The following CCDC30 variants were observed in gnomAD, a reference collection of about 807,000 sequenced individuals.
CCDC30 encodes the protein coiled-coil domain containing 30.
Under a neutral mutation model 100.2 loss-of-function variants are expected in CCDC30, and 70 were observed. The ratio of observed to expected loss-of-function variants is 0.70; its 90% CI spans 0.58 to 0.85. CCDC30 has a LOEUF of 0.85. CCDC30 is among the 40% of genes least tolerant of loss of function. CCDC30 has a pLI of 0.00. For missense variants in CCDC30, 652 were observed against 771.2 expected (o/e 0.85, Z 1.83); for synonymous variants, 233 against 269.5 (o/e 0.86, Z 1.33).
At chr1:42,568,155 C>T (rs1460640370) in intron 7 of CCDC30, among the ~76,000 whole-genome samples, 1 of 152,164 alleles carries the variant, frequency 6.6e-6, no homozygotes, top group Non-Finnish European at 1.5e-5. Flanking sequence ...CGCTCTGTCA[C>T]CCATGCTGAA....
intron 10 of CCDC30, among the ~76,000 whole-genome samples, chr1:42,597,877 G>A (rs573726446): frequency 6.6e-5 from 10 of 150,972 alleles, no homozygotes; most frequent in Admixed American, 3.3e-4. Flanking sequence ...AAAAAAAATC[G>A]CCAGGCACAG....
chr1:42,583,945 C>T (rs531538771), intron 9 of CCDC30, among the ~76,000 whole-genome samples: 1 of 152,300 alleles, frequency 6.6e-6, no homozygotes, highest in South Asian at 2.1e-4. Context: ...ACAGGAAAAA[C>T]TGGCACCCTT....
chr1:42,465,103 A>G (rs1437996346), intron 1 of CCDC30, among the ~76,000 whole-genome samples: 1 of 152,212 alleles, frequency 6.6e-6, no homozygotes, highest in Non-Finnish European at 1.5e-5. Flanking sequence ...GCATAAATTT[A>G]AAAACAATTT....
intron 11 of CCDC30, among the ~76,000 whole-genome samples, chr1:42,614,337 C>T (rs1646684284): frequency 6.6e-6 from 1 of 151,862 alleles, no homozygotes; most frequent in Non-Finnish European, 1.5e-5. Flanking sequence ...GCCTCGGCCT[C>T]CCAAAGTGCT....
chr1:42,556,187 AT>A, intron 6 of CCDC30: 1 of 1,612,364 alleles, frequency 6.2e-7, no homozygotes, highest in Non-Finnish European at 8.5e-7. Context: ...GCAGAAGGAA[AT>A]TCCAGAGGAG....
At chr1:42,606,384 T>C (rs1051707394) in intron 10 of CCDC30, among the ~76,000 whole-genome samples, 2 of 152,170 alleles carry the variant, frequency 1.3e-5, no homozygotes, top group South Asian at 2.1e-4. Flanking sequence ...TTCAAATGAT[T>C]CTCCCGTTTC....
chr1:42,627,848 G>A (rs1288818567), intron 11 of CCDC30, among the ~76,000 whole-genome samples: 1 of 152,230 alleles, frequency 6.6e-6, no homozygotes, highest in Non-Finnish European at 1.5e-5. Context: ...AAAGTTTGCT[G>A]TAGGGATAGG....
At chr1:42,613,098 A>C (rs1354627491) in intron 11 of CCDC30, among the ~76,000 whole-genome samples, 1 of 152,200 alleles carries the variant, frequency 6.6e-6, no homozygotes, top group African/African-American at 2.4e-5. Flanking sequence ...CAAATCTAAA[A>C]AGTAAAGTAA....
At chr1:42,478,412 C>T (rs575965641) in intron 1 of CCDC30, among the ~76,000 whole-genome samples, 1 of 152,244 alleles carries the variant, frequency 6.6e-6, no homozygotes, top group South Asian at 2.1e-4. Flanking sequence ...CTAATACCAA[C>T]TACTCAATCA....
intron 10 of CCDC30, among the ~76,000 whole-genome samples, chr1:42,599,113 G>A (rs112392656): frequency 4.1e-4 from 63 of 152,226 alleles, no homozygotes; most frequent in African/African-American, 1.4e-3. Context: ...TTAAATTTTA[G>A]TTGATCTAAG....
At chr1:42,600,188 T>C (rs536765048) in intron 10 of CCDC30, among the ~76,000 whole-genome samples, 3 of 151,912 alleles carry the variant, frequency 2.0e-5, no homozygotes, top group Non-Finnish European at 4.4e-5. Flanking sequence ...CAGGAACTTA[T>C]CCAGGATAAA....
In CCDC30 at chr1:42,545,435, C is replaced by A; in HGVS notation, c.457-20861C>A. On this transcript the variant is annotated intron_variant, in intron 6 of 16. Transcript: ENST00000668663. ...GTCTTGAAGCTTTCACAAGAATTTG[C>A]ACAATTAAATCATTTTACTCTAGGG... The A allele has an allele frequency of 1.3e-6, 2 of 1,578,940 alleles. No individual in the cohort carries two copies. The highest frequency in any genetic ancestry group is 1.7e-6 in the Non-Finnish European group (2 of 1,169,226).
chr1:42,490,366 C>A, intron 4 of CCDC30, 137 bp downstream of exon 4: 1 of 364,426 alleles, frequency 2.7e-6, no homozygotes, highest in Non-Finnish European at 4.8e-6. Flanking sequence ...CCACTGCACT[C>A]CAGCCTGGGT....
chr1:42,608,384 A>G (rs1418273779), intron 10 of CCDC30, among the ~76,000 whole-genome samples: 1 of 152,176 alleles, frequency 6.6e-6, no homozygotes, highest in Non-Finnish European at 1.5e-5. Context: ...ACATGCCATC[A>G]TTGTTATAGA....
chr1:42,582,209 G>A lies in CCDC30; in HGVS notation c.1001+695G>A, dbSNP rs537411190. ...TGAAACACTGCACTCTGGACTGGGT[G>A]GCAGAATGAGACCCTGTCTCAAAAA... On this transcript the variant is annotated intron_variant, in intron 9 of 16. Transcript: ENST00000668663. 9.2e-5 allele frequency among the ~76,000 whole-genome samples: 14 copies of A among 152,270 alleles called. No individual in the cohort carries two copies. In the South Asian group the frequency reaches 2.9e-3, roughly 32 times the overall value.
At chr1:42,567,353 A>G (rs753569401) in intron 7 of CCDC30, among the ~76,000 whole-genome samples, 19 of 152,202 alleles carry the variant, frequency 1.2e-4, no homozygotes, top group Non-Finnish European at 2.9e-5. Context: ...AGTCTAAAAT[A>G]TTTACTACCT....
At chr1:42,620,731 G>C (rs527751784) in intron 11 of CCDC30, among the ~76,000 whole-genome samples, 1 of 152,218 alleles carries the variant, frequency 6.6e-6, no homozygotes, top group African/African-American at 2.4e-5. Context: ...ATCAGCTAAG[G>C]AAAAAGGCAC....
At chr1:42,523,897 AGTT>A (rs1401698496) in intron 6 of CCDC30, among the ~76,000 whole-genome samples, 1 of 152,012 alleles carries the variant, frequency 6.6e-6, no homozygotes, top group Non-Finnish European at 1.5e-5. Context: ...TTTTTATTTC[AGTT>A]GTTGTACTTT....
chr1:42,597,845 A>T (rs1646321858), intron 10 of CCDC30, among the ~76,000 whole-genome samples: 1 of 146,310 alleles, frequency 6.8e-6, no homozygotes, highest in Middle Eastern at 4.1e-3. Context: ...AGCCTAGGGG[A>T]CAAAGCAAGA....
Sources: allele counts gnomAD v4.1 joint callset (sites outside exome capture counted in the v4.1 genomes callset), GRCh38; gene constraint gnomAD v4.1.1; transcripts MANE v1.5; gene names NCBI Gene and HGNC (gene_info 2026-07-23, HGNC 2026-07-21).